Variants in PCDH7 observed in about 807,000 individuals in gnomAD.
PCDH7 encodes protocadherin-7.
Under a neutral mutation model 58.9 loss-of-function variants are expected in PCDH7, and 17 were observed. The observed-to-expected ratio is 0.29, with a 90% CI of 0.20 to 0.43. The LOEUF is 0.43. PCDH7 is among the 20% of genes least tolerant of loss of function. The probability of loss-of-function intolerance (pLI) is 1.00; values close to 1 mark genes in which losing one functional copy is unlikely to be tolerated. For missense variants in PCDH7, 1,274 were observed against 1,441.0 expected, an observed-to-expected ratio of 0.88 and a Z score of 1.88; for synonymous variants, 664 against 616.4, an observed-to-expected ratio of 1.08 and a Z score of -1.14.
chr4:30,734,438 C>T (rs929189747), downstream of PCDH7, among the ~76,000 whole-genome samples: 8 of 152,094 alleles, frequency 5.3e-5, no homozygotes, highest in African/African-American at 9.6e-5. Flanking sequence ...TTCACCATTT[C>T]GGTCAGGCTG....
intron 1 of PCDH7, among the ~76,000 whole-genome samples, chr4:30,897,185 T>C (rs1049202518): frequency 1.3e-5 from 2 of 152,100 alleles, no homozygotes; most frequent in Non-Finnish European, 2.9e-5. Flanking sequence ...ATTACAGGCG[T>C]GAGCCACCGC....
chr4:31,082,407 A>G (rs929664795), intron 3 of PCDH7, among the ~76,000 whole-genome samples: 4 of 152,202 alleles, frequency 2.6e-5, no homozygotes, highest in Non-Finnish European at 4.4e-5. Context: ...ATTCTGAAAT[A>G]TATAGTGAAA....
At chr4:30,758,847 T>C (rs1352105601) in intron 1 of PCDH7, among the ~76,000 whole-genome samples, 1 of 152,112 alleles carries the variant, frequency 6.6e-6, no homozygotes, top group Non-Finnish European at 1.5e-5. Flanking sequence ...TTGAGTAGGG[T>C]ATTTCTTAGA....
At position 30,821,760 on chromosome 4, in the gene PCDH7, A is replaced by G. The variant is rs2109321998; in HGVS notation, c.70+97164A>G. ...TTAGGACACTGCTGCTGTATGCATG[A>G]AAGTTGAATTGCCGGAATTCAAAAC... On this transcript the variant is annotated intron_variant, in intron 1 of 3. Transcript: ENST00000509759. 2.6e-5 allele frequency among the ~76,000 whole-genome samples: 4 copies of G among 152,312 alleles called. No individual in the cohort carries two copies. In the Middle Eastern group the frequency reaches 0.014, roughly 518 times the overall value.
intron 3 of PCDH7, among the ~76,000 whole-genome samples, chr4:31,055,027 G>T (rs907451970): frequency 6.6e-6 from 1 of 151,888 alleles, no homozygotes; most frequent in Non-Finnish European, 1.5e-5. Context: ...TAAGGGTTTT[G>T]CTCCTAGGAG....
chr4:31,113,766 C>T (rs1186309539), intron 3 of PCDH7, among the ~76,000 whole-genome samples: 1 of 151,428 alleles, frequency 6.6e-6, no homozygotes, highest in East Asian at 1.9e-4. Context: ...TAGGGACCAT[C>T]TGCCATACTT....
intron 3 of PCDH7, among the ~76,000 whole-genome samples, chr4:31,004,009 C>T: frequency 6.6e-6 from 1 of 152,048 alleles, no homozygotes; most frequent in Admixed American, 6.6e-5. Flanking sequence ...TCATTCTCCC[C>T]ACAATCTTTT....
chr4:30,849,180 A>G (rs754094877), intron 1 of PCDH7, among the ~76,000 whole-genome samples: 20 of 152,106 alleles, frequency 1.3e-4, no homozygotes, highest in Non-Finnish European at 1.3e-4. Context: ...ATACTGTTGG[A>G]TGAAACTTGG....
chr4:31,067,275 GT>G (rs2109246878), intron 3 of PCDH7, among the ~76,000 whole-genome samples: 1 of 150,948 alleles, frequency 6.6e-6, no homozygotes, highest in South Asian at 2.1e-4. Context: ...CTACAACAAG[GT>G]TTGGGAACCA....
intron 3 of PCDH7, among the ~76,000 whole-genome samples, chr4:31,114,016 T>C (rs1428766927): frequency 6.6e-6 from 1 of 151,960 alleles, no homozygotes; most frequent in East Asian, 1.9e-4. Context: ...ATATTTTTAG[T>C]AGAGACTGGG....
At chr4:30,784,460 C>G (rs1319684074) in intron 1 of PCDH7, among the ~76,000 whole-genome samples, 1 of 151,984 alleles carries the variant, frequency 6.6e-6, no homozygotes, top group Non-Finnish European at 1.5e-5. Context: ...TTCTGTTCCT[C>G]GATAACATTT....
rs143275397 is a variant in PCDH7 at position 30,883,790 on chromosome 4, T to C, written c.71-36363T>C. On this transcript the variant is annotated intron_variant, in intron 1 of 3. Coordinates refer to the PCDH7 transcript ENST00000509759. Reference sequence around the variant, plus strand: ...AGTAAGAGCTATTGTGTCAGGGAGGTATCATTTCAGGTCCTCTTGGTTTTG... The same window carrying C: ...AGTAAGAGCTATTGTGTCAGGGAGGCATCATTTCAGGTCCTCTTGGTTTTG... Among the ~76,000 whole-genome samples the C allele has an allele frequency of 2.1e-4, 32 of 152,234 alleles. No individual in the cohort carries two copies. The East Asian group carries it at 2.9e-3, about 14-fold the overall frequency.
In PCDH7 at chr4:30,950,163, TG is replaced by T. The variant is rs1747206239; in HGVS notation, c.333del (p.Gly112AlafsTer10). On this transcript the variant is annotated frameshift_variant, in exon 3 of 4. Transcript: ENST00000509759. LOFTEE classifies it high-confidence loss of function. Reference sequence around the variant, plus strand: ...CCTTTCCCTTCCTCCCCTTTCCTCATGGCAAGACGCATGGAAGAAGAGTGCT... The same window carrying T: ...CCTTTCCCTTCCTCCCCTTTCCTCATGCAAGACGCATGGAAGAAGAGTGCT... 6.6e-6 allele frequency: 1 copy of T among 152,578 alleles called. No homozygotes were observed. Among genetic ancestry groups the T allele is most frequent in the Admixed American group, 6.6e-5 (1 of 15,254 alleles). 9.5% of individuals were successfully genotyped at this position (152,578 alleles called of 1,614,324 possible).
chr4:30,824,427 A>G (rs1046547567), intron 1 of PCDH7, among the ~76,000 whole-genome samples: 1 of 152,124 alleles, frequency 6.6e-6, no homozygotes, highest in African/African-American at 2.4e-5. Flanking sequence ...TTTAAAAATG[A>G]ATACACTCAA....
intron 1 of PCDH7, among the ~76,000 whole-genome samples, chr4:30,913,761 C>T (rs541240775): frequency 1.3e-5 from 2 of 152,102 alleles, no homozygotes; most frequent in Non-Finnish European, 2.9e-5. Flanking sequence ...TTCTCTTTAC[C>T]TAAGAAGGCA....
intron 3 of PCDH7, among the ~76,000 whole-genome samples, chr4:31,024,724 A>T (rs1264607318): frequency 6.6e-6 from 1 of 152,008 alleles, no homozygotes; most frequent in Non-Finnish European, 1.5e-5. Context: ...TCTCATAGGA[A>T]CCTGGGTTTT....
At chr4:31,127,274 T>C (rs1718422375) in intron 3 of PCDH7, among the ~76,000 whole-genome samples, 1 of 152,216 alleles carries the variant, frequency 6.6e-6, no homozygotes, top group Admixed American at 6.5e-5. Flanking sequence ...TTAAGTCATC[T>C]ATGGGAAAGA....
At chr4:30,965,839 T>TA (rs1011293992) in intron 3 of PCDH7, among the ~76,000 whole-genome samples, 16 of 152,082 alleles carry the variant, frequency 1.1e-4, no homozygotes, top group Admixed American at 5.2e-4. Context: ...ATTATTTTTT[T>TA]AAAAAAGTAG....
chr4:31,076,234 C>T (rs1264404518), intron 3 of PCDH7, among the ~76,000 whole-genome samples: 1 of 152,106 alleles, frequency 6.6e-6, no homozygotes, highest in Non-Finnish European at 1.5e-5. Context: ...GTTTATGTTG[C>T]CAATGCTCTT....
Sources: gnomAD v4.1 joint callset for allele counts (sites outside exome capture counted in the v4.1 genomes callset) on GRCh38, gnomAD v4.1.1 for gene constraint, MANE v1.5 for transcripts, NCBI Gene and HGNC (gene_info 2026-07-23, HGNC 2026-07-21) for gene names.